The following CTXND2 variants were observed in gnomAD, a reference collection of about 807,000 sequenced individuals.
The protein encoded by CTXND2 is cortexin domain containing 2.
chr1:150,889,037 T>G (rs959187070), intron 1 of CTXND2, among the ~76,000 whole-genome samples: 7 of 152,004 alleles, frequency 4.6e-5, no homozygotes, highest in Non-Finnish European at 1.0e-4. Context: ...CAGTCCCACA[T>G]TTTAGCCTCC....
intron 1 of CTXND2, among the ~76,000 whole-genome samples, chr1:150,889,228 T>TGAGACC (rs1405507625): frequency 6.6e-6 from 1 of 151,896 alleles, no homozygotes; most frequent in Non-Finnish European, 1.5e-5. Flanking sequence ...GCTAACAGGA[T>TGAGACC]GAGACCCCGT....
intron 1 of CTXND2, among the ~76,000 whole-genome samples, chr1:150,888,540 T>C (rs1668805853): frequency 6.6e-6 from 1 of 151,934 alleles, no homozygotes; most frequent in Non-Finnish European, 1.5e-5. Flanking sequence ...TTTAAATCTT[T>C]TATTCTTTCC....
At chr1:150,904,103 GA>G in intron 1 of CTXND2, 2 of 663,898 alleles carry the variant, frequency 3.0e-6, no homozygotes, top group Middle Eastern at 2.6e-4. Context: ...GGAGTATTTG[GA>G]AAATCCCAAG....
chr1:150,908,317 T>A (rs1571606195), intron 1 of CTXND2, among the ~76,000 whole-genome samples: 1 of 152,158 alleles, frequency 6.6e-6, no homozygotes, highest in Non-Finnish European at 1.5e-5. Flanking sequence ...GTAACTCTTA[T>A]GTTTCATAAT....
chr1:150,911,457 G>A (rs1282092768), intron 1 of CTXND2, among the ~76,000 whole-genome samples: 1 of 149,786 alleles, frequency 6.7e-6, no homozygotes, highest in African/African-American at 2.5e-5. Context: ...TTTTTTTGAG[G>A]TGGGGTCTCG....
chr1:150,903,850 A>G (rs1265485498), intron 1 of CTXND2: 5 of 528,224 alleles, frequency 9.5e-6, no homozygotes, highest in Admixed American at 2.3e-5. Context: ...GTCCGGCTTC[A>G]GAGTGGTAAC....
intron 1 of CTXND2, among the ~76,000 whole-genome samples, chr1:150,903,287 A>T (rs771492293): frequency 1.3e-5 from 2 of 151,822 alleles, no homozygotes; most frequent in South Asian, 4.2e-4. Context: ...TTGCGTATAT[A>T]ATTTTATTAT....
chr1:150,910,120 G>GTT (rs1023134562), intron 1 of CTXND2, among the ~76,000 whole-genome samples: 10 of 131,168 alleles, frequency 7.6e-5, no homozygotes, highest in East Asian at 6.6e-4. Context: ...TCTTTTTTCT[G>GTT]TTTTTTTTTT....
At chr1:150,897,708 C>T (rs1315373434) in intron 1 of CTXND2, among the ~76,000 whole-genome samples, 1 of 152,122 alleles carries the variant, frequency 6.6e-6, no homozygotes, top group African/African-American at 2.4e-5. Flanking sequence ...TCTGAAAGAG[C>T]ACTATAGAAA....
chr1:150,901,006 G>A (rs1433191518), intron 1 of CTXND2, among the ~76,000 whole-genome samples: 1 of 152,008 alleles, frequency 6.6e-6, no homozygotes, highest in African/African-American at 2.4e-5. Context: ...CAGTTCCTTG[G>A]GAGGCTGAGG....
chr1:150,892,528 CTTT>C (rs5777740), intron 1 of CTXND2, among the ~76,000 whole-genome samples: 12 of 123,324 alleles, frequency 9.7e-5, no homozygotes, highest in African/African-American at 1.5e-4. Flanking sequence ...TCTTCTTCTT[CTTT>C]TTTTTTTTTT....
At chr1:150,891,070 T>C (rs1668843584) in intron 1 of CTXND2, among the ~76,000 whole-genome samples, 7 of 152,210 alleles carry the variant, frequency 4.6e-5, no homozygotes, top group Admixed American at 4.6e-4. Context: ...CCTTCTGACA[T>C]TGGAGTTTCC....
At chr1:150,898,788 G>T (rs1424995353) in intron 1 of CTXND2, among the ~76,000 whole-genome samples, 3 of 146,982 alleles carry the variant, frequency 2.0e-5, no homozygotes, top group Non-Finnish European at 4.5e-5. Flanking sequence ...AGAAAGGCAG[G>T]GCGGGGGGCC....
At chr1:150,910,730 C>T (rs1669240751) in intron 1 of CTXND2, among the ~76,000 whole-genome samples, 2 of 150,894 alleles carry the variant, frequency 1.3e-5, no homozygotes, top group Non-Finnish European at 2.9e-5. Flanking sequence ...CTCCTGGTTT[C>T]AAGTGATTCT....
At chr1:150,887,470 ATTT>A (rs749293389) in intron 1 of CTXND2, among the ~76,000 whole-genome samples, 157 bp downstream of exon 1, 17 of 141,834 alleles carry the variant, frequency 1.2e-4, no homozygotes, top group Non-Finnish European at 2.2e-4. Flanking sequence ...TATTATTATT[ATTT>A]TTAGAGGCAG....
rs374252182 is a variant in CTXND2 at position 150,900,387 on chromosome 1, C to T, written c.-73-11855C>T. Among the ~76,000 whole-genome samples the T allele has an allele frequency of 1.7e-4, 26 of 152,298 alleles. No homozygotes were observed. The South Asian group carries it at 5.2e-3, about 30-fold the overall frequency. ...GGAAGAAAGTCCAGACGCATCTGAA[C>T]ACTGGAAGGAACAAACGTTGGACAC... On this transcript the variant is annotated intron_variant, in intron 1 of 1. Transcript: ENST00000636087.
exon 2 of CTXND2, chr1:150,912,241 GGAATAT>G (rs2102606252): frequency 2.5e-6 from 1 of 397,986 alleles, no homozygotes; most frequent in South Asian, 1.3e-4. Flanking sequence ...CCTTTGTCTA[GGAATAT>G]GACAAATCTG....
chr1:150,898,513 G>A (rs1272681218), intron 1 of CTXND2, among the ~76,000 whole-genome samples: 8 of 151,710 alleles, frequency 5.3e-5, no homozygotes, highest in African/African-American at 1.4e-4. Context: ...ATCCCAGCAC[G>A]TTGGGAGGTC....
intron 1 of CTXND2, among the ~76,000 whole-genome samples, chr1:150,909,217 G>A (rs1424314657): frequency 3.6e-5 from 5 of 137,444 alleles, no homozygotes; most frequent in Non-Finnish European, 6.1e-5. Flanking sequence ...CAGCCTGGGC[G>A]ACAGAGCAAG....
Sources: allele counts gnomAD v4.1 joint callset (sites outside exome capture counted in the v4.1 genomes callset), GRCh38; gene constraint gnomAD v4.1.1; transcripts MANE v1.5; gene names NCBI Gene and HGNC (gene_info 2026-07-23, HGNC 2026-07-21).